NCAM2: variants seen among roughly 807,000 people sequenced by gnomAD.
NCAM2 encodes the protein N-CAM-2.
In NCAM2, 30 loss-of-function variants were observed where a neutral mutation model predicts 98.1. The observed-to-expected ratio is 0.31, with a 90% CI of 0.23 to 0.41. The LOEUF is 0.41. Ranked by LOEUF, NCAM2 falls within the 10% of genes least tolerant of loss-of-function variation. NCAM2 has a pLI of 1.00. For synonymous variants in NCAM2, 368 were observed against 342.4 expected (o/e 1.07, Z -0.83); for missense variants, 867 against 1,005.8 (o/e 0.86, Z 1.87).
intron 9 of NCAM2, among the ~76,000 whole-genome samples, chr21:21,382,543 T>C (rs1292161699): frequency 6.7e-6 from 1 of 148,588 alleles, no homozygotes; most frequent in Non-Finnish European, 1.5e-5. Flanking sequence ...TGAGATGGAG[T>C]CTTGCTTTGT....
intron 1 of NCAM2, among the ~76,000 whole-genome samples, chr21:21,018,184 G>A (rs771754398): frequency 2.6e-5 from 4 of 152,072 alleles, no homozygotes; most frequent in Non-Finnish European, 4.4e-5. Context: ...CTGTCTCCTT[G>A]TTACACAAAA....
chr21:21,404,289 T>G (rs2076692282), intron 9 of NCAM2, among the ~76,000 whole-genome samples: 1 of 152,172 alleles, frequency 6.6e-6, no homozygotes, highest in Non-Finnish European at 1.5e-5. Context: ...GGTTTGGCTG[T>G]GTCCCCACCC....
At chr21:21,389,585 CT>C (rs2076338024) in intron 9 of NCAM2, among the ~76,000 whole-genome samples, 1 of 152,138 alleles carries the variant, frequency 6.6e-6, no homozygotes, top group Non-Finnish European at 1.5e-5. Context: ...TCATTTTTCC[CT>C]GCTCAATATC....
chr21:21,147,050 A>AC (rs2146680885), intron 1 of NCAM2: 1 of 460,648 alleles, frequency 2.2e-6, no homozygotes, highest in African/African-American at 5.3e-5. Context: ...CGGAACTCAT[A>AC]CGGCTGCCTT....
chr21:21,480,972 A>G (rs1985825573), intron 15 of NCAM2, among the ~76,000 whole-genome samples: 2 of 152,230 alleles, frequency 1.3e-5, no homozygotes, highest in African/African-American at 4.8e-5. Context: ...TAAATTTGAA[A>G]TATCAAATCG....
chr21:21,121,436 A>G (rs1022860203), intron 1 of NCAM2, among the ~76,000 whole-genome samples: 4 of 152,200 alleles, frequency 2.6e-5, no homozygotes, highest in African/African-American at 9.7e-5. Context: ...ACTCCAAATA[A>G]TTGAAGAAAT....
At chr21:21,369,712 C>G (rs545093349) in intron 8 of NCAM2, among the ~76,000 whole-genome samples, 1 of 151,846 alleles carries the variant, frequency 6.6e-6, no homozygotes, top group East Asian at 1.9e-4. Flanking sequence ...GTTTCAGCAT[C>G]TTCTCATGAT....
intron 13 of NCAM2, among the ~76,000 whole-genome samples, chr21:21,467,344 T>C (rs1237128488): frequency 6.7e-6 from 1 of 149,274 alleles, no homozygotes; most frequent in East Asian, 1.9e-4. Flanking sequence ...ACCACTGTTA[T>C]AAAAATCTAT....
intron 1 of NCAM2, among the ~76,000 whole-genome samples, chr21:21,135,621 TAACC>T (rs773907301): frequency 7.7e-4 from 117 of 152,304 alleles, no homozygotes; most frequent in Non-Finnish European, 1.4e-3. Context: ...TTGCATCTTC[TAACC>T]ATGACAGTCC....
At chr21:21,011,479 A>G (rs2064209601) in intron 1 of NCAM2, among the ~76,000 whole-genome samples, 1 of 151,958 alleles carries the variant, frequency 6.6e-6, no homozygotes, top group African/African-American at 2.4e-5. Context: ...TAATACATAT[A>G]TTTACAGTAT....
At position 21,102,563 on chromosome 21, in the gene NCAM2, A is replaced by C. The variant is rs75020946; in HGVS notation, c.55+103945A>C. Among the ~76,000 whole-genome samples the C allele has an allele frequency of 6.3e-3, 958 of 152,186 alleles. 10 individuals carry two copies. Among genetic ancestry groups the C allele is most frequent in the East Asian group, 0.033 (171 of 5,158 alleles). On this transcript the variant is annotated intron_variant, in intron 1 of 17. Coordinates refer to ENST00000400546, the MANE Select transcript of NCAM2 (RefSeq NM_004540.5). Reference sequence around the variant, plus strand: ...CCAAAACAATTGCAGTCAAAAATCAATGAAGTTCAGGAACACTTTTCACTA... The same window carrying C: ...CCAAAACAATTGCAGTCAAAAATCACTGAAGTTCAGGAACACTTTTCACTA...
chr21:21,429,714 G>T, intron 11 of NCAM2, among the ~76,000 whole-genome samples: 1 of 152,286 alleles, frequency 6.6e-6, no homozygotes, highest in East Asian at 1.9e-4. Flanking sequence ...CTTAAAATTT[G>T]TATTTCCAGA....
At chr21:21,465,302 C>T (rs1259016616) in intron 12 of NCAM2, among the ~76,000 whole-genome samples, 1 of 151,852 alleles carries the variant, frequency 6.6e-6, no homozygotes, top group Admixed American at 6.6e-5. Context: ...AAATGCTAAG[C>T]CAGACCTAGT....
chr21:21,099,545 AACTC>A (rs928781912), intron 1 of NCAM2, among the ~76,000 whole-genome samples: 55 of 151,790 alleles, frequency 3.6e-4, no homozygotes, highest in African/African-American at 9.7e-5. Context: ...ATCTGGTGAA[AACTC>A]ACTCACTATC....
chr21:21,032,098 G>A (rs969291718), intron 1 of NCAM2, among the ~76,000 whole-genome samples: 10 of 152,084 alleles, frequency 6.6e-5, no homozygotes, highest in Non-Finnish European at 1.2e-4. Context: ...GTGAGCGTAC[G>A]AATTTAGGAA....
chr21:21,372,386 C>T (rs756212743), intron 8 of NCAM2, among the ~76,000 whole-genome samples: 1 of 151,618 alleles, frequency 6.6e-6, no homozygotes, highest in Non-Finnish European at 1.5e-5. Flanking sequence ...TAATAATGTA[C>T]AGTCAGACAC....
chr21:21,419,880 A>G (rs1475609135), intron 11 of NCAM2, among the ~76,000 whole-genome samples: 2 of 152,026 alleles, frequency 1.3e-5, no homozygotes, highest in Non-Finnish European at 2.9e-5. Flanking sequence ...ATACCCAGTA[A>G]TGGGATGGCT....
intron 5 of NCAM2, among the ~76,000 whole-genome samples, chr21:21,322,408 A>G (rs1010907916): frequency 3.3e-5 from 5 of 152,094 alleles, no homozygotes; most frequent in African/African-American, 7.2e-5. Context: ...GAATCATGCA[A>G]TATACCCAGT....
chr21:21,484,169 G>A (rs1410079366), intron 15 of NCAM2, among the ~76,000 whole-genome samples: 1 of 152,102 alleles, frequency 6.6e-6, no homozygotes, highest in African/African-American at 2.4e-5. Context: ...TAATTTCTGA[G>A]TAATGCAGAA....
Sources: gnomAD v4.1 joint callset for allele counts (sites outside exome capture counted in the v4.1 genomes callset) on GRCh38, gnomAD v4.1.1 for gene constraint, MANE v1.5 for transcripts, NCBI Gene and HGNC (gene_info 2026-07-23, HGNC 2026-07-21) for gene names.